The following SCAMP2 variants were observed in gnomAD, a reference collection of about 807,000 sequenced individuals.
SCAMP2 encodes secretory carrier-associated membrane protein 2.
A neutral mutation model predicts 44.1 loss-of-function variants in SCAMP2; 25 were observed. The observed-to-expected ratio is 0.57, with a 90% CI of 0.41 to 0.79. SCAMP2 has a LOEUF of 0.79. Ranked by LOEUF, SCAMP2 falls within the 30% of genes least tolerant of loss-of-function variation. The pLI, the probability that SCAMP2 is intolerant of heterozygous loss-of-function variation, is 0.00. For synonymous variants in SCAMP2, 156 were observed against 166.0 expected (o/e 0.94, Z 0.46); for missense variants, 355 against 411.0 (o/e 0.86, Z 1.18).
chr15:74,873,104 CCTACGCCACG>C, intron 1 of SCAMP2, 85 bp downstream of exon 1: 1 of 1,143,210 alleles, frequency 8.7e-7, no homozygotes, highest in Non-Finnish European at 1.2e-6. Flanking sequence ...ACCCGTCCCT[CCTACGCCACG>C]TCTCCCGGCT....
rs190948611 is a variant in SCAMP2, at chr15:74,861,129, C to T, written c.58-6480G>A. Among the ~76,000 whole-genome samples, 412 of 152,130 alleles carry T rather than the reference C, an allele frequency of 2.7e-3. 4 individuals carry two copies. Among genetic ancestry groups the T allele is most frequent in the African/African-American group, 9.6e-3 (398 of 41,506 alleles). On this transcript the variant is annotated intron_variant, in intron 1 of 8. Transcript: ENST00000268099. ...GGCAGAGGTTGCAGTGAGCCAAGAT[C>T]GTGCCACTGCACTCCAGCCTGGGCA...
chr15:74,845,875 G>A (rs937501429), intron 7 of SCAMP2, among the ~76,000 whole-genome samples: 8 of 152,204 alleles, frequency 5.3e-5, no homozygotes, highest in Non-Finnish European at 8.8e-5. Flanking sequence ...AAGTAGCACC[G>A]GGCTGGGTGC....
At chr15:74,855,610 G>A (rs1053040112) in intron 1 of SCAMP2, among the ~76,000 whole-genome samples, 6 of 151,476 alleles carry the variant, frequency 4.0e-5, no homozygotes, top group African/African-American at 1.5e-4. Flanking sequence ...CAGCTACTCC[G>A]GAGACTGAGG....
At chr15:74,846,192 G>T (rs572852536) in intron 7 of SCAMP2, among the ~76,000 whole-genome samples, 3 of 152,082 alleles carry the variant, frequency 2.0e-5, no homozygotes, top group Middle Eastern at 3.4e-3. Flanking sequence ...TGAGGCAGGA[G>T]AATCACTTGA....
chr15:74,845,652 A>C, intron 7 of SCAMP2, 59 bp from the exon 8 acceptor site: 4 of 1,601,872 alleles, frequency 2.5e-6, no homozygotes, highest in Non-Finnish European at 3.4e-6. Flanking sequence ...AAAAGTCAGC[A>C]TAAGGGGCTC....
intron 7 of SCAMP2, among the ~76,000 whole-genome samples, chr15:74,845,847 C>T (rs1414146306): frequency 2.0e-5 from 3 of 152,214 alleles, no homozygotes; most frequent in Non-Finnish European, 2.9e-5. Flanking sequence ...GATGTGGTTG[C>T]TGCCTTCACA....
At chr15:74,858,414 A>T (rs1381514395) in intron 1 of SCAMP2, among the ~76,000 whole-genome samples, 1 of 152,010 alleles carries the variant, frequency 6.6e-6, no homozygotes, top group East Asian at 1.9e-4. Flanking sequence ...TGAGAGAGTC[A>T]CTCCAATCAG....
At chr15:74,873,060 A>T (rs903375200) in intron 1 of SCAMP2, 139 bp downstream of exon 1, 3 of 709,400 alleles carry the variant, frequency 4.2e-6, no homozygotes, top group Non-Finnish European at 6.4e-6. Flanking sequence ...ACGATAGGCC[A>T]GACCTCAAAG....
chr15:74,867,540 T>A (rs957920074), intron 1 of SCAMP2, among the ~76,000 whole-genome samples: 6 of 152,244 alleles, frequency 3.9e-5, no homozygotes, highest in African/African-American at 1.4e-4. Flanking sequence ...AATGCTCTGT[T>A]ACACAGGAAA....
intron 7 of SCAMP2, among the ~76,000 whole-genome samples, chr15:74,846,721 C>G (rs866032435): frequency 6.6e-6 from 1 of 152,078 alleles, no homozygotes; most frequent in African/African-American, 2.4e-5. Flanking sequence ...GCAGAGATCG[C>G]GGCACTGCAC....
chr15:74,856,972 C>A (rs1017063364), intron 1 of SCAMP2, among the ~76,000 whole-genome samples: 4 of 152,196 alleles, frequency 2.6e-5, no homozygotes, highest in Non-Finnish European at 5.9e-5. Context: ...GATGTAGAAA[C>A]TGATATTCAC....
At chr15:74,871,589 C>A (rs1400245237) in intron 1 of SCAMP2, among the ~76,000 whole-genome samples, 1 of 151,958 alleles carries the variant, frequency 6.6e-6, no homozygotes, top group Non-Finnish European at 1.5e-5. Context: ...CCCGTCTCTA[C>A]TAAAAATACA....
chr15:74,873,162 G>A, intron 1 of SCAMP2, 37 bp downstream of exon 1: 1 of 1,419,724 alleles, frequency 7.0e-7, no homozygotes, highest in African/African-American at 1.5e-5. Flanking sequence ...GGGCCCTAGG[G>A]AAATCTGAGA....
rs2064389599 is a variant in SCAMP2 at position 74,845,124 on chromosome 15, C to T, written c.949G>A (p.Ala317Thr). ...GCTCCTTGGGCAGCAGATGAAGCAG[C>T]TCTGTGGAAGGTTCTGCTGCTGAAG... ...GIFSSRTFHR[A>T]ASSAAQGAFQ... Residue 317 changes from alanine to threonine, a missense_variant, in exon 9 of 9, where the codon GCT (alanine) becomes ACT (threonine). Coordinates refer to ENST00000268099, the MANE Select transcript of SCAMP2 (RefSeq NM_005697.5). 6.2e-7 allele frequency: 1 copy of T among 1,614,090 alleles called. No individual in the cohort carries two copies. Among genetic ancestry groups the T allele is most frequent in the Non-Finnish European group, 8.5e-7 (1 of 1,180,016 alleles).
Position 74,844,203 on chromosome 15 carries a change from A to AGGGGGGGGG in SCAMP2, c.*871_*879dup, listed in dbSNP as rs375483317. ...AAGGCAGCCGTCCCTCGGTTCGGGGAGGGGGGGGGGTAGTCACAGCAAACA... is the reference window on the plus strand; with the variant it reads ...AAGGCAGCCGTCCCTCGGTTCGGGGAGGGGGGGGGGGGGGGGGGGTAGTCACAGCAAACA... On this transcript the variant is annotated 3_prime_UTR_variant, in exon 9 of 9. Coordinates refer to ENST00000268099, the MANE Select transcript of SCAMP2 (RefSeq NM_005697.5). The AGGGGGGGGG allele has an allele frequency of 1.5e-5, 1 of 67,062 alleles. No homozygotes were observed. The highest frequency in any genetic ancestry group is 1.4e-4 in the Admixed American group (1 of 7,108). 4.2% of individuals were successfully genotyped at this position (67,062 alleles called of 1,614,324 possible). A position where few individuals can be genotyped will look rare whatever the true frequency, so the allele number is the denominator to read the frequency against.
chr15:74,873,020 A>T (rs1246173903), intron 1 of SCAMP2, 179 bp downstream of exon 1: 3 of 538,606 alleles, frequency 5.6e-6, no homozygotes, highest in African/African-American at 2.0e-5. Flanking sequence ...CTGCAGTTCC[A>T]CCTGCTGCTA....
At position 74,845,179 on chromosome 15, in the gene SCAMP2, C is replaced by T. The variant is rs753070982; in HGVS notation, c.894G>A (p.Gln298=). The change falls in exon 9 of 9, where the codon CAG becomes CAA. Residue 298 remains glutamine (Q), a synonymous_variant. Coordinates refer to ENST00000268099, the MANE Select transcript of SCAMP2 (RefSeq NM_005697.5). ...CCTGGGAAAACTCCTCCTGGGCCTG[C>T]TGGAAGCTGGCCCCTGTCCGTCGGT... ...SLYRRTGASF[Q]QAQEEFSQGI... is the part of the protein sequence containing the mutation. 1 of 1,613,758 alleles carries T rather than the reference C, an allele frequency of 6.2e-7. No homozygotes were observed. Among genetic ancestry groups the T allele is most frequent in the Non-Finnish European group, 8.5e-7 (1 of 1,179,990 alleles).
At chr15:74,854,995 G>T (rs1405586813) in intron 1 of SCAMP2, among the ~76,000 whole-genome samples, 1 of 151,136 alleles carries the variant, frequency 6.6e-6, no homozygotes, top group Non-Finnish European at 1.5e-5. Flanking sequence ...TTTTTGAGGG[G>T]TGGGGTGCTG....
intron 7 of SCAMP2, among the ~76,000 whole-genome samples, chr15:74,846,034 G>A (rs994012643): frequency 6.6e-6 from 1 of 152,162 alleles, no homozygotes; most frequent in Non-Finnish European, 1.5e-5. Context: ...TGTAATCCCA[G>A]CACTTTGGGA....
Sources: allele counts gnomAD v4.1 joint callset (sites outside exome capture counted in the v4.1 genomes callset), GRCh38; gene constraint gnomAD v4.1.1; transcripts MANE v1.5; gene names NCBI Gene and HGNC (gene_info 2026-07-23, HGNC 2026-07-21).